Variants in GCNT1 observed in about 807,000 individuals in gnomAD.
The protein encoded by GCNT1 is beta-1,3-galactosyl-O-glycosyl-glycoprotein beta-1,6-N-acetylglucosaminyltransferase.
A neutral mutation model predicts 26.2 loss-of-function variants in GCNT1; 16 were observed. The observed-to-expected ratio is 0.61, with a 90% confidence interval of 0.41 to 0.93. The LOEUF (loss-of-function observed/expected upper bound fraction) is 0.93, where lower values mean the gene tolerates loss of function less well. Ranked by LOEUF, GCNT1 falls within the 40% of genes least tolerant of loss-of-function variation. GCNT1 has a pLI of 0.00. For missense variants in GCNT1, 477 were observed against 526.7 expected, an observed-to-expected ratio of 0.91 and a Z score of 0.92; for synonymous variants, 183 against 190.8, an observed-to-expected ratio of 0.96 and a Z score of 0.34.
At chr9:76,419,076 ATTT>A (rs1447509495), upstream of GCNT1, among the ~76,000 whole-genome samples, 2 of 152,098 alleles carry the variant, frequency 1.3e-5, no homozygotes, top group Non-Finnish European at 2.9e-5. Flanking sequence ...AAAACACCAT[ATTT>A]TGGGGTATCA....
upstream of GCNT1, among the ~76,000 whole-genome samples, chr9:76,454,510 G>A (rs975079041): frequency 1.3e-5 from 2 of 151,998 alleles, no homozygotes; most frequent in Non-Finnish European, 2.9e-5. Flanking sequence ...GGCTTCTTGG[G>A]AGGGGATGTG....
intron 2 of GCNT1, among the ~76,000 whole-genome samples, chr9:76,492,232 C>T (rs983411764): frequency 1.3e-5 from 2 of 151,980 alleles, no homozygotes; most frequent in African/African-American, 2.4e-5. Flanking sequence ...CCTCAAGCAG[C>T]GGACAACAAA....
At position 76,507,283 on chromosome 9, in the gene GCNT1, C is replaced by T. The variant is rs545024774; in HGVS notation, c.*3615C>T. The T allele has an allele frequency of 7.8e-5, 13 of 167,160 alleles. No individual in the cohort carries two copies. The highest frequency in any genetic ancestry group is 3.1e-4 in the African/African-American group (13 of 41,564). 10.4% of individuals were successfully genotyped at this position (167,160 alleles called of 1,614,324 possible). ...GATTTTTAAGTAAGTTGGGGACCAT[C>T]AGTTTAAAATAAATGCAATACTATT... On this transcript the variant is annotated 3_prime_UTR_variant, in exon 4 of 4. Transcript: ENST00000376730.
At chr9:76,402,579 A>G in the GCNT1 span, among the ~76,000 whole-genome samples, 2 of 152,324 alleles carry the variant, frequency 1.3e-5, no homozygotes, top group Middle Eastern at 3.4e-3. Context: ...CCGTTTGACA[A>G]TGGACCTAAG....
chr9:76,472,460 T>C (rs1286153502), intron 2 of GCNT1, among the ~76,000 whole-genome samples: 1 of 152,198 alleles, frequency 6.6e-6, no homozygotes, highest in Non-Finnish European at 1.5e-5. Context: ...CAGGCTCTGG[T>C]TAAAGGCAGC....
At position 76,505,080 on chromosome 9, in the gene GCNT1, C is replaced by T. The variant is rs1245641401; in HGVS notation, c.*1412C>T. 2 of 412,076 alleles carry T rather than the reference C, an allele frequency of 4.9e-6. No individual in the cohort carries two copies. The highest frequency in any genetic ancestry group is 4.4e-6 in the Non-Finnish European group (1 of 225,892). The allele number at this position is 412,076 out of a possible 1,614,324, so 25.5% of individuals were successfully genotyped here. On this transcript the variant is annotated 3_prime_UTR_variant, in exon 4 of 4. Transcript: ENST00000376730. ...CTTTTGCCATGTTGATACTGTTCAG[C>T]AAACAAGCTACCAGGAACTGTGAGG...
At position 76,505,116 on chromosome 9, in the gene GCNT1, T is replaced by G. The variant is rs1405272688; in HGVS notation, c.*1448T>G. 2.4e-6 allele frequency: 1 copy of G among 411,464 alleles called. No homozygotes were observed. The highest frequency in any genetic ancestry group is 4.4e-6 in the Non-Finnish European group (1 of 225,442). 25.5% of individuals were successfully genotyped at this position (411,464 alleles called of 1,614,324 possible). ...CCAGGAACTGTGAGGCTTTGTCATT[T>G]AGCATTAGACTTTAAACAAGAATTA... On this transcript the variant is annotated 3_prime_UTR_variant, in exon 4 of 4. Transcript: ENST00000376730.
At chr9:76,415,462 C>G (rs1439623487), upstream of GCNT1, among the ~76,000 whole-genome samples, 1 of 152,172 alleles carries the variant, frequency 6.6e-6, no homozygotes, top group Non-Finnish European at 1.5e-5. Context: ...ACATATTTGT[C>G]AGAGTCCTAT....
At chr9:76,471,188 G>A (rs1824122958) in intron 2 of GCNT1, among the ~76,000 whole-genome samples, 1 of 152,118 alleles carries the variant, frequency 6.6e-6, no homozygotes, top group Non-Finnish European at 1.5e-5. Context: ...ACCATGGCTG[G>A]CTGATTTTTG....
rs1337019906 is a variant in GCNT1, at chr9:76,443,982, GAAGGAAGGAAGA to G, written c.-290+1670_-290+1681del. ...GGAAGGAAGGAAGGAAGGAAGGAAGGAAGGAAGGAAGAAAAAAAGAGCCAGAAGCATTTGTTG... is the reference window on the plus strand; with the variant it reads ...GGAAGGAAGGAAGGAAGGAAGGAAGGAAAAAAGAGCCAGAAGCATTTGTTG... On this transcript the variant is annotated intron_variant, in intron 1 of 2. Coordinates refer to the GCNT1 transcript ENST00000442371. Among the ~76,000 whole-genome samples, 6 of 73,782 alleles carry G rather than the reference GAAGGAAGGAAGA, an allele frequency of 8.1e-5. 1 individual carries two copies. The highest frequency in any genetic ancestry group is 2.5e-4 in the African/African-American group (5 of 20,374). The allele number at this position is 73,782 out of a possible 152,430, so 48.4% of individuals were successfully genotyped here. A position where few individuals can be genotyped will look rare whatever the true frequency, so the allele number is the denominator to read the frequency against.
At chr9:76,439,567 A>G (rs1240060677), upstream of GCNT1, among the ~76,000 whole-genome samples, 1 of 150,908 alleles carries the variant, frequency 6.6e-6, no homozygotes, top group Admixed American at 6.6e-5. Context: ...TGAAAAAAAA[A>G]TTTTGTCTGC....
intron 1 of GCNT1, among the ~76,000 whole-genome samples, chr9:76,453,653 G>A (rs1238610334): frequency 6.6e-6 from 1 of 152,204 alleles, no homozygotes; most frequent in Non-Finnish European, 1.5e-5. Flanking sequence ...CAATCCCCAG[G>A]TCGAGGAGCT....
At chr9:76,480,400 T>C (rs1224466072) in intron 2 of GCNT1, among the ~76,000 whole-genome samples, 2 of 152,022 alleles carry the variant, frequency 1.3e-5, no homozygotes, top group East Asian at 1.9e-4. Context: ...AAAAAAGTCA[T>C]TGGTAGCTTG....
the GCNT1 span, among the ~76,000 whole-genome samples, chr9:76,401,670 AG>A: frequency 1.3e-5 from 2 of 152,346 alleles, no homozygotes; most frequent in African/African-American, 4.8e-5. Context: ...TGTATATGGG[AG>A]ATGCCCAGGG....
the GCNT1 span, among the ~76,000 whole-genome samples, chr9:76,396,437 A>T: frequency 1.3e-5 from 2 of 152,160 alleles, no homozygotes; most frequent in Non-Finnish European, 2.9e-5. Flanking sequence ...CAAAAATTTT[A>T]AAATAAAAAT....
chr9:76,451,747 A>G (rs903175021), intron 1 of GCNT1, among the ~76,000 whole-genome samples: 2 of 152,146 alleles, frequency 1.3e-5, no homozygotes, highest in African/African-American at 4.8e-5. Flanking sequence ...TCTGTTGTTT[A>G]AAGTACCAGT....
At chr9:76,473,061 C>T (rs1824174830) in intron 2 of GCNT1, among the ~76,000 whole-genome samples, 1 of 152,020 alleles carries the variant, frequency 6.6e-6, no homozygotes, top group African/African-American at 2.4e-5. Flanking sequence ...ACTTGTCTGT[C>T]TTTACGTCTT....
intron 2 of GCNT1, among the ~76,000 whole-genome samples, chr9:76,495,462 A>G (rs1824881261): frequency 6.6e-6 from 1 of 152,192 alleles, no homozygotes; most frequent in African/African-American, 2.4e-5. Context: ...CACAGCATGG[A>G]AGGGGACCAG....
At chr9:76,413,661 T>G in the GCNT1 span, among the ~76,000 whole-genome samples, 11 of 114,464 alleles carry the variant, frequency 9.6e-5, no homozygotes, top group East Asian at 1.2e-3. Flanking sequence ...TTGTTTTTTT[T>G]TTTTTTGTTT....
Sources: allele counts gnomAD v4.1 joint callset (sites outside exome capture counted in the v4.1 genomes callset), GRCh38; gene constraint gnomAD v4.1.1; transcripts MANE v1.5; gene names NCBI Gene and HGNC (gene_info 2026-07-23, HGNC 2026-07-21).